Variants in CNTNAP5 observed in about 807,000 individuals in gnomAD.
CNTNAP5 encodes contactin-associated protein-like 5.
Under a neutral mutation model 150.2 loss-of-function variants are expected in CNTNAP5, and 72 were observed. The ratio of observed to expected loss-of-function variants is 0.48; its 90% CI spans 0.40 to 0.58. The LOEUF is 0.58. CNTNAP5 is among the 20% of genes least tolerant of loss of function. The pLI, the probability that CNTNAP5 is intolerant of heterozygous loss-of-function variation, is 0.00. For missense variants in CNTNAP5, 1,636 were observed against 1,626.2 expected (o/e 1.01, Z -0.10); for synonymous variants, 672 against 619.8 (o/e 1.08, Z -1.25).
intron 7 of CNTNAP5, among the ~76,000 whole-genome samples, chr2:124,497,393 A>G (rs989571701): frequency 2.0e-5 from 3 of 152,202 alleles, no homozygotes; most frequent in Non-Finnish European, 4.4e-5. Flanking sequence ...TGCAGCCAAC[A>G]TAGGGTTGGC....
At chr2:124,706,434 C>T (rs1195214296) in intron 13 of CNTNAP5, among the ~76,000 whole-genome samples, 1 of 151,966 alleles carries the variant, frequency 6.6e-6, no homozygotes, top group Non-Finnish European at 1.5e-5. Flanking sequence ...GCTTATTTGT[C>T]ATGATTTCTG....
chr2:124,051,797 C>T (rs1681704103), intron 1 of CNTNAP5, among the ~76,000 whole-genome samples: 2 of 152,246 alleles, frequency 1.3e-5, no homozygotes, highest in South Asian at 2.1e-4. Context: ...CTTGACACAG[C>T]GTAGTCACTC....
chr2:124,483,323 C>T (rs914854876), intron 7 of CNTNAP5, among the ~76,000 whole-genome samples: 2 of 152,146 alleles, frequency 1.3e-5, no homozygotes, highest in African/African-American at 4.8e-5. Context: ...TTTCAGGGAG[C>T]CACTAGGAGC....
Position 124,417,609 on chromosome 2 carries a change from C to T in CNTNAP5, c.529+19C>T, listed in dbSNP as rs769352086. On this transcript the variant is annotated intron_variant, in intron 4 of 23. Transcript: ENST00000682447. The stretch of plus-strand genomic sequence containing the variant: ...TCCTATAGTAAGTACTCACATGTAC[C>T]CTTTACCATTGCTGAGTGTGAGTGG... 2.5e-6 allele frequency: 4 copies of T among 1,605,576 alleles called. No individual in the cohort carries two copies. Among genetic ancestry groups the T allele is most frequent in the Non-Finnish European group, 2.6e-6 (3 of 1,174,094 alleles).
intron 1 of CNTNAP5, among the ~76,000 whole-genome samples, chr2:124,215,992 G>T (rs1346526400): frequency 1.3e-5 from 2 of 152,058 alleles, no homozygotes; most frequent in Non-Finnish European, 2.9e-5. Context: ...ATAATCTTGG[G>T]CAGTCCTGTC....
intron 3 of CNTNAP5, among the ~76,000 whole-genome samples, chr2:124,255,234 A>G (rs1687277494): frequency 6.6e-6 from 1 of 152,084 alleles, no homozygotes. Context: ...TTAAAAAATA[A>G]AATATTTAGG....
intron 13 of CNTNAP5, among the ~76,000 whole-genome samples, chr2:124,656,878 A>G (rs1678469561): frequency 6.6e-6 from 1 of 152,218 alleles, no homozygotes; most frequent in African/African-American, 2.4e-5. Context: ...TGGCAGCACA[A>G]TGGAAAGAAC....
At chr2:124,101,504 C>A (rs1252469047) in intron 1 of CNTNAP5, among the ~76,000 whole-genome samples, 1 of 152,124 alleles carries the variant, frequency 6.6e-6, no homozygotes, top group Non-Finnish European at 1.5e-5. Flanking sequence ...ACGGTGCAAC[C>A]AGACAAGGCA....
intron 13 of CNTNAP5, among the ~76,000 whole-genome samples, chr2:124,698,514 T>C (rs189427794): frequency 1.3e-5 from 2 of 152,280 alleles, no homozygotes; most frequent in African/African-American, 4.8e-5. Context: ...AGAACATTTT[T>C]GTATTTTGTT....
At chr2:124,882,278 T>C (rs1276833438) in intron 21 of CNTNAP5, among the ~76,000 whole-genome samples, 3 of 152,036 alleles carry the variant, frequency 2.0e-5, no homozygotes, top group Non-Finnish European at 4.4e-5. Flanking sequence ...CTCAGCCCAC[T>C]GACCAGCACT....
At chr2:124,315,160 T>A (rs1688932819) in intron 3 of CNTNAP5, among the ~76,000 whole-genome samples, 1 of 152,090 alleles carries the variant, frequency 6.6e-6, no homozygotes, top group Non-Finnish European at 1.5e-5. Context: ...ACAGTCTTTC[T>A]ATGTTACTCA....
intron 3 of CNTNAP5, among the ~76,000 whole-genome samples, chr2:124,413,249 G>A (rs1353595396): frequency 6.6e-6 from 1 of 150,442 alleles, no homozygotes; most frequent in African/African-American, 2.5e-5. Flanking sequence ...TGGAGAGGAT[G>A]TGGAGAAATA....
chr2:124,830,626 A>G (rs975308731), intron 19 of CNTNAP5, among the ~76,000 whole-genome samples: 4 of 152,170 alleles, frequency 2.6e-5, no homozygotes, highest in South Asian at 2.1e-4. Context: ...GTAACAATAT[A>G]GGAAATTTCC....
chr2:124,295,764 G>A (rs546667419), intron 3 of CNTNAP5, among the ~76,000 whole-genome samples: 28 of 152,274 alleles, frequency 1.8e-4, no homozygotes, highest in Admixed American at 1.0e-3. Flanking sequence ...AGTTTTCCAG[G>A]AATGAGGTGG....
At chr2:124,788,595 CTTTCTTTCT>C (rs1681649493) in intron 17 of CNTNAP5, among the ~76,000 whole-genome samples, 2 of 145,170 alleles carry the variant, frequency 1.4e-5, no homozygotes. Context: ...CTTTTTCTTT[CTTTCTTTCT>C]TTTTTTTTTT....
Position 124,488,505 on chromosome 2 carries a change from C to A in CNTNAP5, c.1062+13623C>A, listed in dbSNP as rs185383460. 1.2e-3 allele frequency among the ~76,000 whole-genome samples: 184 copies of A among 152,266 alleles called. 2 individuals are homozygous for A. The highest frequency in any genetic ancestry group is 2.2e-3 in the Admixed American group (33 of 15,282). ...TTTCTAATGCCAAATCTGTGCTTAG[C>A]TGCTGTGATGTGCTTAACACACGTT... On this transcript the variant is annotated intron_variant, in intron 7 of 23. Transcript: ENST00000682447.
intron 1 of CNTNAP5, among the ~76,000 whole-genome samples, chr2:124,064,067 AGAG>A (rs1009612398): frequency 3.9e-5 from 6 of 152,146 alleles, no homozygotes; most frequent in African/African-American, 1.2e-4. Flanking sequence ...GTTTGTAAAA[AGAG>A]GAGAAGTATG....
chr2:124,713,308 CTCTT>C (rs766582298), intron 13 of CNTNAP5, among the ~76,000 whole-genome samples: 7 of 57,416 alleles, frequency 1.2e-4, no homozygotes, highest in African/African-American at 3.2e-4. Flanking sequence ...TTTCTTCTTT[CTCTT>C]TCTTTCCTTT....
intron 10 of CNTNAP5, among the ~76,000 whole-genome samples, chr2:124,530,352 G>A (rs1474490228): frequency 6.6e-6 from 1 of 152,046 alleles, no homozygotes; most frequent in Non-Finnish European, 1.5e-5. Flanking sequence ...TAATAAAGTA[G>A]CATTCCTACC....
Sources: gnomAD v4.1 joint callset for allele counts (sites outside exome capture counted in the v4.1 genomes callset) on GRCh38, gnomAD v4.1.1 for gene constraint, MANE v1.5 for transcripts, NCBI Gene and HGNC (gene_info 2026-07-23, HGNC 2026-07-21) for gene names.